Variants in CASZ1 observed in about 807,000 individuals in gnomAD.
The protein encoded by CASZ1 is zinc finger protein castor homolog 1.
Under a neutral mutation model 135.2 loss-of-function variants are expected in CASZ1, and 28 were observed. That is an observed-to-expected ratio of 0.21 (90% CI 0.15 to 0.28). The LOEUF (loss-of-function observed/expected upper bound fraction) is 0.28, where lower values mean the gene tolerates loss of function less well. Among genes scored for constraint, CASZ1 ranks in the 10% least tolerant of loss-of-function variants. CASZ1 has a pLI of 1.00. For synonymous variants in CASZ1, 1,068 were observed against 1,073.4 expected (o/e 0.99, Z 0.10); for missense variants, 2,161 against 2,453.3 (o/e 0.88, Z 2.52).
intron 15 of CASZ1, 32 bp from the exon 16 acceptor site, chr1:10,648,171 G>A: frequency 1.4e-6 from 2 of 1,440,702 alleles, no homozygotes; most frequent in South Asian, 1.4e-5. Flanking sequence ...GTCTCATGGG[G>A]GGCAGTGAAG....
chr1:10,647,087 A>G lies in CASZ1; in HGVS notation c.3497+714T>C, dbSNP rs78092259. The G allele has an allele frequency of 1.6e-5, 4 of 255,962 alleles. No individual in the cohort carries two copies. The East Asian group carries it at 6.9e-4, about 44-fold the overall frequency. 15.9% of individuals were successfully genotyped at this position (255,962 alleles called of 1,614,324 possible). A position where few individuals can be genotyped will look rare whatever the true frequency, so the allele number is the denominator to read the frequency against. ...CCAGGCCAGGGAAACCTGAGCTGCT[A>G]CTCTGGGGAGGAGGAGGGGGAGGGG... On this transcript the variant is annotated intron_variant, in intron 16 of 20. Coordinates refer to ENST00000377022, the MANE Select transcript of CASZ1 (RefSeq NM_001079843.3). The surrounding 1 kb of genome is among the most constrained non-coding windows in gnomAD (Gnocchi z 4.9).
rs1004256227 is a variant in CASZ1, at chr1:10,666,809, G to A, written c.17-1238C>T. 3.3e-5 allele frequency among the ~76,000 whole-genome samples: 5 copies of A among 152,304 alleles called. No homozygotes were observed. Among genetic ancestry groups the A allele is most frequent in the South Asian group, 2.1e-4 (1 of 4,814 alleles). ...GACACACACACACGCACACACACGC[G>A]TGCACACACAGCGCAGCCACATGGA... On this transcript the variant is annotated intron_variant, in intron 4 of 20. Coordinates refer to ENST00000377022, the MANE Select transcript of CASZ1 (RefSeq NM_001079843.3). The surrounding 1 kb of genome is among the most constrained non-coding windows in gnomAD (Gnocchi z 5.2).
chr1:10,785,595 C>T (rs1400205936), intron 1 of CASZ1, among the ~76,000 whole-genome samples: 1 of 152,240 alleles, frequency 6.6e-6, no homozygotes, highest in Admixed American at 6.5e-5. Flanking sequence ...CTCCTCCTGG[C>T]CCCGCCCTGC....
chr1:10,670,250 G>C (rs1158178310), intron 4 of CASZ1, among the ~76,000 whole-genome samples: 1 of 152,216 alleles, frequency 6.6e-6, no homozygotes, highest in Non-Finnish European at 1.5e-5. Context: ...ATGCCCCCAG[G>C]ATCTCCACAT....
chr1:10,703,456 T>G (rs1639105862), intron 3 of CASZ1, among the ~76,000 whole-genome samples: 1 of 151,984 alleles, frequency 6.6e-6, no homozygotes, highest in Admixed American at 6.6e-5. Context: ...AACTCAACCT[T>G]CACAGCTTCT....
chr1:10,651,079 G>A lies in CASZ1; in HGVS notation c.2681-3C>T. On this transcript the variant is annotated splice_polypyrimidine_tract_variant and splice_region_variant and intron_variant, in intron 11 of 20. Coordinates refer to ENST00000377022, the MANE Select transcript of CASZ1 (RefSeq NM_001079843.3). ...TGGGGTGACCTGCTGCCCGCTTCCTGCAGGGGAGGGGTGGGAAGATGCGTC... is the reference window on the plus strand; with the variant it reads ...TGGGGTGACCTGCTGCCCGCTTCCTACAGGGGAGGGGTGGGAAGATGCGTC... 1 of 1,509,174 alleles carries A rather than the reference G, an allele frequency of 6.6e-7. No homozygotes were observed. Among genetic ancestry groups the A allele is most frequent in the South Asian group, 1.3e-5 (1 of 74,472 alleles). The allele number at this position is 1,509,174 out of a possible 1,614,324, so 93.5% of individuals were successfully genotyped here.
rs1425757000 is a variant in CASZ1 at position 10,756,296 on chromosome 1, G to A, written c.-77+4405C>T. Among the ~76,000 whole-genome samples, 1 of 151,618 alleles carries A rather than the reference G, an allele frequency of 6.6e-6. No homozygotes were observed. Among genetic ancestry groups the A allele is most frequent in the African/African-American group, 2.4e-5 (1 of 41,284 alleles). On this transcript the variant is annotated intron_variant, in intron 2 of 20. Transcript: ENST00000377022. This position sits in a 1 kb window ranked among gnomAD's most constrained non-coding sequence, Gnocchi z 5.9. ...ATTGCTTCCCACTTGGGACATCCCC[G>A]ATGCACCCCCCACCCTCGCCCCCGC...
intron 15 of CASZ1, 87 bp downstream of exon 15, chr1:10,648,983 T>C: frequency 6.5e-7 from 1 of 1,541,296 alleles, no homozygotes; most frequent in Non-Finnish European, 8.8e-7. Flanking sequence ...CAGCGGGAAC[T>C]GCTGTACCAG....
chr1:10,766,628 G>A (rs1031574318), intron 1 of CASZ1, among the ~76,000 whole-genome samples: 12 of 152,146 alleles, frequency 7.9e-5, no homozygotes, highest in African/African-American at 2.7e-4. Flanking sequence ...CACAAAGCAG[G>A]TGCTGTCAAG....
rs775939153 is a variant in CASZ1, at chr1:10,697,145, C to T, written c.-23-3233G>A. 5.9e-5 allele frequency among the ~76,000 whole-genome samples: 9 copies of T among 152,160 alleles called. No individual in the cohort carries two copies. The highest frequency in any genetic ancestry group is 1.9e-4 in the East Asian group (1 of 5,196). On this transcript the variant is annotated intron_variant, in intron 3 of 20. Transcript: ENST00000377022. This position sits in a 1 kb window ranked among gnomAD's most constrained non-coding sequence, Gnocchi z 4.7. Reference sequence around the variant, plus strand: ...AAGCAAGAAACAGGCCAACTCGGAGCGCAAGGATTTATGAAGGTCAGAGAA... The same window carrying T: ...AAGCAAGAAACAGGCCAACTCGGAGTGCAAGGATTTATGAAGGTCAGAGAA...
chr1:10,672,359 A>C (rs912299900), intron 4 of CASZ1, among the ~76,000 whole-genome samples: 1 of 152,056 alleles, frequency 6.6e-6, no homozygotes. Flanking sequence ...TCCTGAAATA[A>C]TTTTGTGTAT....
chr1:10,653,494 C>T lies in CASZ1; in HGVS notation c.2563G>A (p.Val855Ile). The T allele has an allele frequency of 6.8e-6, 11 of 1,611,640 alleles. No individual in the cohort carries two copies. The highest frequency in any genetic ancestry group is 9.3e-6 in the Non-Finnish European group (11 of 1,178,998). The stretch of plus-strand genomic sequence containing the variant: ...ATGATGGAGGCGGGTGGTGCCGGGA[C>T]AGAGGCGGCAGCCACGGGGGCTGAG... ...GDSAPVAAASVPAPPASIMER... is the reference protein window; with the variant it reads ...GDSAPVAAASIPAPPASIMER... Residue 855 changes from valine (V) to isoleucine (I), a missense_variant, in exon 11 of 21, where the codon GTC becomes ATC. By Grantham distance (29) the Val-to-Ile change is conservative (BLOSUM62 3). This residue lies in a region of CASZ1 where 406 missense variants were observed against 387.6 expected (regional missense o/e 1.05). Transcript: ENST00000377022.
Position 10,659,816 on chromosome 1 carries a change from G to A in CASZ1, c.1226C>T (p.Ala409Val), listed in dbSNP as rs748955899. 4.3e-6 allele frequency: 7 copies of A among 1,613,452 alleles called. No homozygotes were observed. In the South Asian group the frequency reaches 7.7e-5, roughly 18 times the overall value. Residue 409 changes from alanine (A) to valine (V), a missense_variant, in exon 6 of 21, where the codon GCC becomes GTC. By Grantham distance (64) the Ala-to-Val change is moderately conservative. Coordinates refer to ENST00000377022, the MANE Select transcript of CASZ1 (RefSeq NM_001079843.3). ...PLASVPSAPS[A>V]PGPGPEPPAS... ...AGGAGGCTCTGGCCCTGGCCCGGGGGCGCTGGGGGCACTGGGCACGCTGGC... is the reference window on the plus strand; with the variant it reads ...AGGAGGCTCTGGCCCTGGCCCGGGGACGCTGGGGGCACTGGGCACGCTGGC...
At chr1:10,671,465 G>GT (rs1322045081) in intron 4 of CASZ1, among the ~76,000 whole-genome samples, 13 of 152,224 alleles carry the variant, frequency 8.5e-5, no homozygotes, top group Non-Finnish European at 2.9e-5. Context: ...GGAGACAGAT[G>GT]TGAGGGAAGG....
At chr1:10,772,834 A>G (rs1052416597) in intron 1 of CASZ1, among the ~76,000 whole-genome samples, 2 of 152,156 alleles carry the variant, frequency 1.3e-5, no homozygotes, top group African/African-American at 4.8e-5. Context: ...GGGTGGGCTC[A>G]GTAAGGGCTG....
intron 4 of CASZ1, among the ~76,000 whole-genome samples, chr1:10,683,331 G>A (rs1361527499): frequency 6.6e-6 from 1 of 152,062 alleles, no homozygotes; most frequent in Admixed American, 6.6e-5. Flanking sequence ...TTACAACCAA[G>A]CAAAGACCTG....
At chr1:10,677,955 C>T (rs1333055564) in intron 4 of CASZ1, among the ~76,000 whole-genome samples, 1 of 152,148 alleles carries the variant, frequency 6.6e-6, no homozygotes, top group Non-Finnish European at 1.5e-5. Context: ...AGGCTGGCTG[C>T]GTGGCCTGGC....
At chr1:10,643,056 G>A in intron 19 of CASZ1, 56 bp from the exon 20 acceptor site, 1 of 1,598,138 alleles carries the variant, frequency 6.3e-7, no homozygotes, top group Non-Finnish European at 8.6e-7. Context: ...GCTGCCCACA[G>A]AGGGCAGGCT....
intron 2 of CASZ1, among the ~76,000 whole-genome samples, chr1:10,743,671 G>GGGGT (rs60105451): frequency 5.1e-5 from 7 of 138,456 alleles, no homozygotes; most frequent in African/African-American, 1.6e-4. Flanking sequence ...AAATGGGGGG[G>GGGGT]CGGGGTGCGG....
Sources: allele counts gnomAD v4.1 joint callset (sites outside exome capture counted in the v4.1 genomes callset), GRCh38; gene constraint gnomAD v4.1.1; regional missense constraint gnomAD v4.1.1; non-coding constraint Gnocchi (gnomAD v3.1); transcripts MANE v1.5; gene names NCBI Gene and HGNC (gene_info 2026-07-23, HGNC 2026-07-21).